The following SEMA4D variants were observed in gnomAD, a reference collection of about 807,000 sequenced individuals.
The protein encoded by SEMA4D is semaphorin 4D.
A neutral mutation model predicts 74.8 loss-of-function variants in SEMA4D; 22 were observed. That is an observed-to-expected ratio of 0.29 (90% CI 0.21 to 0.42). The LOEUF (loss-of-function observed/expected upper bound fraction) is 0.42, where lower values mean the gene tolerates loss of function less well. Among genes scored for constraint, SEMA4D ranks in the 10% least tolerant of loss-of-function variants. SEMA4D has a pLI of 1.00. For missense variants in SEMA4D, 937 were observed against 1,118.4 expected (o/e 0.84, Z 2.31); for synonymous variants, 445 against 463.7 (o/e 0.96, Z 0.52).
At chr9:89,447,979 T>C (rs1853388470) in intron 2 of SEMA4D, among the ~76,000 whole-genome samples, 1 of 152,162 alleles carries the variant, frequency 6.6e-6, no homozygotes, top group South Asian at 2.1e-4. Context: ...TATTTATTTA[T>C]TTGTATTTTA....
rs1168251575 is a variant in SEMA4D at position 89,497,958 on chromosome 9, C to G, written c.-349G>C. ...CTGCCCGCGGCGGCTCCCGGCCGGG[C>G]GAGTTCGGGCGCCAGGAATGGCGGC... On this transcript the variant is annotated 5_prime_UTR_variant, in exon 1 of 16. Coordinates refer to ENST00000422704, the MANE Select transcript of SEMA4D (RefSeq NM_001371194.2). 1 of 148,542 alleles carries G rather than the reference C, an allele frequency of 6.7e-6. No individual in the cohort carries two copies. The highest frequency in any genetic ancestry group is 2.4e-5 in the African/African-American group (1 of 40,936). The allele number at this position is 148,542 out of a possible 1,614,324, so 9.2% of individuals were successfully genotyped here.
chr9:89,416,526 C>T (rs1845751030), intron 2 of SEMA4D, among the ~76,000 whole-genome samples: 1 of 152,210 alleles, frequency 6.6e-6, no homozygotes, highest in Non-Finnish European at 1.5e-5. Context: ...CACATACACA[C>T]ACAGCCACGG....
rs184564729 is a variant in SEMA4D at position 89,411,286 on chromosome 9, T to G, written c.-243-5587A>C. ...ACCCCAGGGAAGCAAGAGTGACCCA[T>G]GAATGGAAATGTAACCAGAGTGTAC... On this transcript the variant is annotated intron_variant, in intron 2 of 15. Transcript: ENST00000422704. Among the ~76,000 whole-genome samples, 814 of 152,236 alleles carry G rather than the reference T, an allele frequency of 5.3e-3. 4 individuals are homozygous for G. The highest frequency in any genetic ancestry group is 0.01 in the Middle Eastern group (3 of 294).
In SEMA4D at chr9:89,378,140, ATCT is replaced by A. The variant is rs921691855; in HGVS notation, c.*561_*563del. ...ATATAACAAAATCTGGAAGATATAC[ATCT>A]TCTTCTAAATATTAACACAACTGCT... On this transcript the variant is annotated 3_prime_UTR_variant, in exon 16 of 16. Coordinates refer to ENST00000422704, the MANE Select transcript of SEMA4D (RefSeq NM_001371194.2). 3.6e-4 allele frequency: 55 copies of A among 152,250 alleles called. No homozygotes were observed. Among genetic ancestry groups the A allele is most frequent in the African/African-American group, 1.3e-3 (52 of 41,240 alleles). The allele number at this position is 152,250 out of a possible 1,614,324, so 9.4% of individuals were successfully genotyped here. A position where few individuals can be genotyped will look rare whatever the true frequency, so the allele number is the denominator to read the frequency against.
chr9:89,366,035 C>T (rs1181462566), intron 16 of SEMA4D, among the ~76,000 whole-genome samples: 6 of 152,080 alleles, frequency 3.9e-5, no homozygotes, highest in African/African-American at 1.4e-4. Context: ...GAATGAGTCC[C>T]GAGGCAAGGA....
chr9:89,369,359 C>T (rs1416066395), intron 16 of SEMA4D: 4 of 152,186 alleles, frequency 2.6e-5, no homozygotes, highest in African/African-American at 9.7e-5. Flanking sequence ...CATAAAAGGC[C>T]ATCCCAAATC....
intron 2 of SEMA4D, among the ~76,000 whole-genome samples, chr9:89,414,998 G>C (rs916758819): frequency 6.6e-5 from 10 of 152,228 alleles, no homozygotes; most frequent in African/African-American, 2.4e-4. Context: ...CCATCTATCA[G>C]CAATGTCGGC....
At chr9:89,371,801 GTGTGTGGGGGGT>G in intron 16 of SEMA4D, among the ~76,000 whole-genome samples, 1 of 62,382 alleles carries the variant, frequency 1.6e-5, no homozygotes, top group Non-Finnish European at 3.1e-5. Context: ...TTTGGGGTGT[GTGTGTGGGGGGT>G]GTGTGTGTCT....
At chr9:89,363,887 A>C in exon 17 of SEMA4D, 1 of 1,614,144 alleles carries the variant, frequency 6.2e-7, no homozygotes, top group Non-Finnish European at 8.5e-7. Context: ...ATGGGTCTGC[A>C]CAGGGACACA....
chr9:89,410,180 G>A (rs78859695), intron 2 of SEMA4D, among the ~76,000 whole-genome samples: 1,847 of 152,268 alleles, frequency 0.012, 37 homozygotes, highest in African/African-American at 0.043. Context: ...CCGCTGAACT[G>A]GGGAGAGGTG....
intron 1 of SEMA4D, among the ~76,000 whole-genome samples, chr9:89,480,434 G>A (rs1445109894): frequency 6.6e-6 from 1 of 152,266 alleles, no homozygotes; most frequent in African/African-American, 2.4e-5. Flanking sequence ...TCAGCCCTTG[G>A]GTGGTCGATG....
intron 2 of SEMA4D, chr9:89,418,150 A>C (rs1846107167): frequency 2.1e-6 from 2 of 967,636 alleles, no homozygotes; most frequent in Admixed American, 6.2e-5. Context: ...AGGCTATTTA[A>C]GCCCTTAAAC....
At chr9:89,391,440 C>G (rs1483831688) in intron 8 of SEMA4D, 25 bp from the exon 9 acceptor site, 1 of 1,613,568 alleles carries the variant, frequency 6.2e-7, no homozygotes. Context: ...CAGTGATTAT[C>G]CCAGAACACA....
Position 89,364,155 on chromosome 9 carries a change from TC to T in SEMA4D, c.1883-206del, listed in dbSNP as rs796430762. ...TTGGCCTTGGCCCGTCCTGTGGACTTCCTGCTCTTTGACCTTAATTGCCATT... is the reference window on the plus strand; with the variant it reads ...TTGGCCTTGGCCCGTCCTGTGGACTTCTGCTCTTTGACCTTAATTGCCATT... On this transcript the variant is annotated intron_variant, in intron 16 of 18. Coordinates refer to the SEMA4D transcript ENST00000339861. 2.3e-5 allele frequency: 24 copies of T among 1,044,050 alleles called. No individual in the cohort carries two copies. In the African/African-American group the frequency reaches 3.2e-4, roughly 14 times the overall value. 64.7% of individuals were successfully genotyped at this position (1,044,050 alleles called of 1,614,324 possible). A position where few individuals can be genotyped will look rare whatever the true frequency, so the allele number is the denominator to read the frequency against.
At chr9:89,451,278 A>T (rs1478971927) in intron 2 of SEMA4D, among the ~76,000 whole-genome samples, 2 of 152,156 alleles carry the variant, frequency 1.3e-5, no homozygotes, top group Non-Finnish European at 2.9e-5. Flanking sequence ...CCGACTCCTC[A>T]TCTGATTCAG....
chr9:89,466,518 C>T (rs1315912790), intron 1 of SEMA4D, among the ~76,000 whole-genome samples: 1 of 152,158 alleles, frequency 6.6e-6, no homozygotes, highest in African/African-American at 2.4e-5. Flanking sequence ...GAGGGCTGCC[C>T]ATGACCTCTG....
At chr9:89,449,387 C>G (rs1472398235) in intron 2 of SEMA4D, among the ~76,000 whole-genome samples, 2 of 152,226 alleles carry the variant, frequency 1.3e-5, no homozygotes, top group Non-Finnish European at 2.9e-5. Context: ...ACCAGGCGAG[C>G]CACAGGTATA....
At chr9:89,426,783 C>T (rs1848216036) in intron 2 of SEMA4D, among the ~76,000 whole-genome samples, 1 of 152,178 alleles carries the variant, frequency 6.6e-6, no homozygotes, top group East Asian at 1.9e-4. Context: ...TATTTTAAGA[C>T]TCTCCTACAT....
intron 2 of SEMA4D, among the ~76,000 whole-genome samples, chr9:89,451,667 G>C (rs968321271): frequency 6.6e-6 from 1 of 152,030 alleles, no homozygotes; most frequent in Non-Finnish European, 1.5e-5. Context: ...CAGTACCTCC[G>C]GCATGCTGTC....
Sources: gnomAD v4.1 joint callset for allele counts (sites outside exome capture counted in the v4.1 genomes callset) on GRCh38, gnomAD v4.1.1 for gene constraint, MANE v1.5 for transcripts, NCBI Gene and HGNC (gene_info 2026-07-23, HGNC 2026-07-21) for gene names.